The following SHANK2 variants were observed in gnomAD, a reference collection of about 807,000 sequenced individuals.
SHANK2 encodes SH3 and multiple ankyrin repeat domains 2, also known as SH3 and multiple ankyrin repeat domains protein 2.
A neutral mutation model predicts 133.7 loss-of-function variants in SHANK2; 43 were observed. The observed-to-expected ratio is 0.32, with a 90% confidence interval of 0.25 to 0.41. The LOEUF is 0.41. Ranked by LOEUF, SHANK2 falls within the 10% of genes least tolerant of loss-of-function variation. SHANK2 has a pLI of 1.00. For synonymous variants in SHANK2, 1,017 were observed against 952.8 expected (o/e 1.07, Z -1.24); for missense variants, 1,994 against 2,235.8 (o/e 0.89, Z 2.18).
intron 13 of SHANK2, among the ~76,000 whole-genome samples, chr11:70,800,751 TCA>T (rs1948026061): frequency 6.6e-6 from 1 of 152,168 alleles, no homozygotes; most frequent in East Asian, 1.9e-4. Flanking sequence ...GGGATGTGCC[TCA>T]CAGTTTCCCA....
intron 16 of SHANK2, 36 bp downstream of exon 16, chr11:70,661,554 CAAACAT>C (rs1565223472): frequency 7.4e-7 from 1 of 1,353,586 alleles, no homozygotes; most frequent in South Asian, 1.2e-5. Context: ...CACACACACA[CAAACAT>C]GGGAACATAT....
intron 25 of SHANK2, chr11:70,474,892 C>T (rs2058643332): frequency 6.6e-6 from 1 of 152,298 alleles, no homozygotes. Context: ...TCCTCTCCCT[C>T]CTATGTGGTG....
intron 10 of SHANK2, among the ~76,000 whole-genome samples, chr11:70,955,235 C>T (rs186924580): frequency 3.8e-4 from 58 of 152,192 alleles, no homozygotes; most frequent in African/African-American, 1.1e-3. Flanking sequence ...GCCTGGAGAC[C>T]GACAGAATGA....
In SHANK2 at chr11:70,881,550, A is replaced by G. The variant is rs1285487034; in HGVS notation, c.1174+14951T>C. ...AACAATACAGGGAGACCCTGTCTCA[A>G]TAATAATAATATTAATAATAATATT... On this transcript the variant is annotated intron_variant, in intron 11 of 25. Coordinates refer to ENST00000601538, the MANE Select transcript of SHANK2 (RefSeq NM_012309.5). 1.7e-4 allele frequency among the ~76,000 whole-genome samples: 4 copies of G among 24,040 alleles called. No homozygotes were observed. In the East Asian group the frequency reaches 0.018, roughly 106 times the overall value. The allele number at this position is 24,040 out of a possible 152,430, so 15.8% of individuals were successfully genotyped here. A position where few individuals can be genotyped will look rare whatever the true frequency, so the allele number is the denominator to read the frequency against.
In SHANK2 at chr11:70,781,557, A is replaced by ATT. The variant is rs1201222259; in HGVS notation, c.1777+16884_1777+16885dup. ...AAAGCAGCTTGCAATTTACTTACTT[A>ATT]TTATATATATATATATATATATATA... is the stretch of plus-strand genomic sequence containing the variant. On this transcript the variant is annotated intron_variant, in intron 14 of 25. Transcript: ENST00000601538. Among the ~76,000 whole-genome samples, 98 of 24,808 alleles carry ATT rather than the reference A, an allele frequency of 4.0e-3. 4 individuals carry two copies. The highest frequency in any genetic ancestry group is 8.3e-3 in the African/African-American group (70 of 8,436). 16.3% of individuals were successfully genotyped at this position (24,808 alleles called of 152,430 possible). A position where few individuals can be genotyped will look rare whatever the true frequency, so the allele number is the denominator to read the frequency against.
At chr11:71,158,952 C>T (rs552242004) in intron 2 of SHANK2, among the ~76,000 whole-genome samples, 14 of 152,320 alleles carry the variant, frequency 9.2e-5, no homozygotes, top group Non-Finnish European at 1.0e-4. Context: ...TGACTACTGT[C>T]ACGTGAAAAG....
chr11:70,862,560 G>A (rs1590769594), intron 11 of SHANK2, among the ~76,000 whole-genome samples: 1 of 151,920 alleles, frequency 6.6e-6, no homozygotes, highest in African/African-American at 2.4e-5. Flanking sequence ...GACATGACTG[G>A]ACTGGCTGAT....
chr11:71,168,810 G>GGGGAGA (rs57598046), intron 2 of SHANK2, among the ~76,000 whole-genome samples: 76,193 of 150,154 alleles, frequency 0.51, 19,655 homozygotes, highest in South Asian at 0.65. Context: ...GGGAGACCAT[G>GGGGAGA]GGGAGAGGGA....
chr11:70,557,125 C>T (rs2059842649), intron 17 of SHANK2, among the ~76,000 whole-genome samples: 1 of 151,428 alleles, frequency 6.6e-6, no homozygotes. Context: ...GTGCTCACCA[C>T]ATACCAGGCA....
chr11:71,120,985 C>T (rs1193977247), intron 3 of SHANK2, among the ~76,000 whole-genome samples: 5 of 152,218 alleles, frequency 3.3e-5, no homozygotes, highest in African/African-American at 4.8e-5. Flanking sequence ...AGGTGTCCAC[C>T]GTCATTTGTG....
intron 2 of SHANK2, among the ~76,000 whole-genome samples, chr11:71,156,585 T>C (rs572938217): frequency 6.6e-6 from 1 of 152,322 alleles, no homozygotes; most frequent in African/African-American, 2.4e-5. Flanking sequence ...ATTCCACATC[T>C]AATTCCTTCC....
At chr11:70,924,710 AC>A (rs1393092729) in intron 10 of SHANK2, among the ~76,000 whole-genome samples, 10 of 150,672 alleles carry the variant, frequency 6.6e-5, no homozygotes, top group Admixed American at 1.3e-4. Context: ...GCCCGCCTTG[AC>A]CCCCCAAAGT....
At position 70,500,625 on chromosome 11, in the gene SHANK2, A is replaced by G; in HGVS notation, c.2288-35T>C. The G allele has an allele frequency of 6.3e-7, 1 of 1,594,202 alleles. No individual in the cohort carries two copies. The highest frequency in any genetic ancestry group is 8.5e-7 in the Non-Finnish European group (1 of 1,170,968). On this transcript the variant is annotated intron_variant, in intron 20 of 25. Coordinates refer to ENST00000601538, the MANE Select transcript of SHANK2 (RefSeq NM_012309.5). This position sits in a 1 kb window ranked among gnomAD's most constrained non-coding sequence, Gnocchi z 4.5. ...AGAAAGGGGACCGCCATGAGCCACC[A>G]GGATGCAGCGCCCGCCCGCAGCCTA...
At chr11:71,158,590 T>A (rs77726413) in intron 2 of SHANK2, among the ~76,000 whole-genome samples, 2,503 of 152,330 alleles carry the variant, frequency 0.016, 72 homozygotes, top group East Asian at 0.085. Flanking sequence ...AAAACCCTGA[T>A]AGGACTGTTG....
intron 14 of SHANK2, among the ~76,000 whole-genome samples, chr11:70,729,146 G>A (rs1190038166): frequency 6.6e-6 from 1 of 150,484 alleles, no homozygotes; most frequent in Non-Finnish European, 1.5e-5. Flanking sequence ...AGAGGTTGCC[G>A]AGATCGCACC....
At chr11:70,781,930 C>T (rs764938771) in intron 14 of SHANK2, among the ~76,000 whole-genome samples, 15 of 151,838 alleles carry the variant, frequency 9.9e-5, no homozygotes, top group Non-Finnish European at 1.9e-4. Context: ...TACTATGCAG[C>T]CATAAAAAAT....
intron 14 of SHANK2, among the ~76,000 whole-genome samples, chr11:70,733,083 C>T (rs377141630): frequency 6.6e-6 from 1 of 152,208 alleles, no homozygotes; most frequent in Admixed American, 6.5e-5. Flanking sequence ...CAGATCATCT[C>T]AACTGAGTGG....
intron 17 of SHANK2, among the ~76,000 whole-genome samples, chr11:70,599,865 A>AAGAT (rs2060457429): frequency 2.6e-5 from 1 of 37,796 alleles, no homozygotes; most frequent in Non-Finnish European, 7.9e-5. Flanking sequence ...AAGAAATAAA[A>AAGAT]AGAAAGAAAG....
intron 3 of SHANK2, among the ~76,000 whole-genome samples, chr11:71,129,604 G>A (rs561976198): frequency 4.1e-4 from 63 of 152,202 alleles, no homozygotes; most frequent in African/African-American, 1.3e-3. Context: ...TGATTGCACC[G>A]CTGCATTCCA....
Sources: gnomAD v4.1 joint callset for allele counts (sites outside exome capture counted in the v4.1 genomes callset) on GRCh38, gnomAD v4.1.1 for gene constraint, Gnocchi (gnomAD v3.1) non-coding constraint, MANE v1.5 for transcripts, NCBI Gene and HGNC (gene_info 2026-07-23, HGNC 2026-07-21) for gene names.